Variants in ZNF804B observed in about 807,000 individuals in gnomAD.
ZNF804B encodes zinc finger 804B.
ZNF804B carries 80 observed loss-of-function variants against 101.4 expected under a neutral mutation model. That is an observed-to-expected ratio of 0.79 (90% CI 0.66 to 0.95). The LOEUF (loss-of-function observed/expected upper bound fraction) is 0.95. Among genes scored for constraint, ZNF804B ranks in the 40% least tolerant of loss-of-function variants. The pLI, the probability that ZNF804B is intolerant of heterozygous loss-of-function variation, is 0.00. For synonymous variants in ZNF804B, 622 were observed against 558.8 expected, an observed-to-expected ratio of 1.11 and a Z score of -1.59; for missense variants, 1,673 against 1,561.9, an observed-to-expected ratio of 1.07 and a Z score of -1.20.
At chr7:89,210,213 T>C (rs1383861568) in intron 1 of ZNF804B, among the ~76,000 whole-genome samples, 1 of 151,894 alleles carries the variant, frequency 6.6e-6, no homozygotes, top group Non-Finnish European at 1.5e-5. Context: ...TTAATGTTAA[T>C]TAAGTACATA....
At chr7:89,323,026 T>C (rs1017713976) in intron 2 of ZNF804B, among the ~76,000 whole-genome samples, 11 of 152,214 alleles carry the variant, frequency 7.2e-5, no homozygotes, top group Non-Finnish European at 1.3e-4. Flanking sequence ...TGGGAGGTGA[T>C]TGGACATGAG....
chr7:89,261,807 C>G (rs996548337), intron 2 of ZNF804B, among the ~76,000 whole-genome samples: 1 of 152,062 alleles, frequency 6.6e-6, no homozygotes, highest in Admixed American at 6.6e-5. Flanking sequence ...TAGTAAAGTA[C>G]AGTATTATGG....
chr7:89,203,458 T>C (rs559582365), intron 1 of ZNF804B, among the ~76,000 whole-genome samples: 1 of 152,282 alleles, frequency 6.6e-6, no homozygotes, highest in Non-Finnish European at 1.5e-5. Flanking sequence ...TATCTTTCTC[T>C]CAAAGTAAAC....
At chr7:89,076,672 A>C (rs915053286) in intron 1 of ZNF804B, among the ~76,000 whole-genome samples, 1 of 152,220 alleles carries the variant, frequency 6.6e-6, no homozygotes, top group African/African-American at 2.4e-5. Flanking sequence ...ATTTTTATTC[A>C]AAGATTCTTA....
chr7:89,281,541 G>A (rs759553391), intron 2 of ZNF804B, among the ~76,000 whole-genome samples: 6 of 152,066 alleles, frequency 3.9e-5, no homozygotes, highest in South Asian at 4.1e-4. Context: ...AACAACTATC[G>A]TTTCTGCTCT....
chr7:88,791,949 G>A (rs1790388445), intron 1 of ZNF804B, among the ~76,000 whole-genome samples: 1 of 152,010 alleles, frequency 6.6e-6, no homozygotes, highest in Non-Finnish European at 1.5e-5. Flanking sequence ...TTTACTGGAA[G>A]CCTGGGGTCT....
chr7:89,129,782 G>T (rs1454857466), intron 1 of ZNF804B, among the ~76,000 whole-genome samples: 1 of 151,972 alleles, frequency 6.6e-6, no homozygotes, highest in African/African-American at 2.4e-5. Context: ...TTAAACACAG[G>T]CCACTGGGCT....
At chr7:89,076,494 C>T (rs1789616756) in intron 1 of ZNF804B, among the ~76,000 whole-genome samples, 1 of 152,130 alleles carries the variant, frequency 6.6e-6, no homozygotes, top group South Asian at 2.1e-4. Flanking sequence ...ATCCATTAAA[C>T]CTCTTTTTCT....
intron 1 of ZNF804B, among the ~76,000 whole-genome samples, chr7:89,166,394 T>A (rs1791144408): frequency 6.6e-6 from 1 of 152,170 alleles, no homozygotes; most frequent in Non-Finnish European, 1.5e-5. Context: ...ATTTTATATG[T>A]TATGTGTATC....
chr7:89,322,947 T>A (rs1347714774), intron 2 of ZNF804B, among the ~76,000 whole-genome samples: 1 of 152,210 alleles, frequency 6.6e-6, no homozygotes, highest in Non-Finnish European at 1.5e-5. Context: ...CCATGGTATT[T>A]GTTATAGACC....
rs573638029 is a variant in ZNF804B at position 88,804,888 on chromosome 7, C to T, written c.108+44804C>T. Among the ~76,000 whole-genome samples the T allele has an allele frequency of 8.5e-5, 13 of 152,172 alleles. No homozygotes were observed. The South Asian group carries it at 2.5e-3, about 29-fold the overall frequency. The stretch of plus-strand genomic sequence containing the variant: ...ATACTCCGTTTGCAATTAAGAAAAC[C>T]ATGGCAAAAAGAGATAGATATTACT... On this transcript the variant is annotated intron_variant, in intron 1 of 3. Transcript: ENST00000333190.
At chr7:88,981,152 A>G (rs998334703) in intron 1 of ZNF804B, among the ~76,000 whole-genome samples, 6 of 152,056 alleles carry the variant, frequency 3.9e-5, no homozygotes, top group African/African-American at 1.4e-4. Context: ...CCCAAGGTTC[A>G]CAGCGCATAC....
chr7:89,038,583 G>A (rs1788963840), intron 1 of ZNF804B, among the ~76,000 whole-genome samples: 1 of 151,932 alleles, frequency 6.6e-6, no homozygotes, highest in Admixed American at 6.6e-5. Flanking sequence ...CAGATATATG[G>A]TTTGCAAATA....
At chr7:88,862,354 A>G (rs567010519) in intron 1 of ZNF804B, among the ~76,000 whole-genome samples, 2 of 152,270 alleles carry the variant, frequency 1.3e-5, no homozygotes, top group East Asian at 1.9e-4. Context: ...CATTTAGCCA[A>G]TCGTGCAATA....
chr7:89,279,420 G>A (rs938291136), intron 2 of ZNF804B, among the ~76,000 whole-genome samples: 1 of 150,638 alleles, frequency 6.6e-6, no homozygotes, highest in Non-Finnish European at 1.5e-5. Flanking sequence ...GGGCATCCCT[G>A]TCTTGTGCCA....
At chr7:89,018,982 G>A (rs1343461042) in intron 1 of ZNF804B, among the ~76,000 whole-genome samples, 1 of 151,766 alleles carries the variant, frequency 6.6e-6, no homozygotes, top group African/African-American at 2.4e-5. Context: ...TCTCAGTTTT[G>A]TTTAGTTCTT....
chr7:89,058,992 G>A (rs1287604720), intron 1 of ZNF804B, among the ~76,000 whole-genome samples: 1 of 152,084 alleles, frequency 6.6e-6, no homozygotes, highest in Non-Finnish European at 1.5e-5. Flanking sequence ...ATCATGCCCA[G>A]CTGGAATGGT....
intron 1 of ZNF804B, among the ~76,000 whole-genome samples, chr7:89,050,307 T>A (rs1789179459): frequency 6.6e-6 from 1 of 151,028 alleles, no homozygotes; most frequent in South Asian, 2.1e-4. Context: ...GGATTATGGG[T>A]TATTGCCACC....
At chr7:88,872,803 C>A (rs1294780654) in intron 1 of ZNF804B, among the ~76,000 whole-genome samples, 1 of 149,830 alleles carries the variant, frequency 6.7e-6, no homozygotes, top group Admixed American at 6.7e-5. Context: ...ATGAACTCAT[C>A]ATTTTTTATG....
Sources: gnomAD v4.1 joint callset for allele counts (sites outside exome capture counted in the v4.1 genomes callset) on GRCh38, gnomAD v4.1.1 for gene constraint, MANE v1.5 for transcripts, NCBI Gene and HGNC (gene_info 2026-07-23, HGNC 2026-07-21) for gene names.